Variants in AFG2A observed in about 807,000 individuals in gnomAD.
The protein encoded by AFG2A is AAA ATPase AFG2A.
chr4:123,247,657 A>C, the AFG2A span, among the ~76,000 whole-genome samples: 1 of 152,044 alleles, frequency 6.6e-6, no homozygotes, highest in Non-Finnish European at 1.5e-5. Flanking sequence ...CAAATGCCTG[A>C]GCTCAAGCGA....
the AFG2A span, among the ~76,000 whole-genome samples, chr4:123,080,965 T>G: frequency 6.6e-6 from 1 of 152,140 alleles, no homozygotes; most frequent in South Asian, 2.1e-4. Flanking sequence ...TAGAGTAGTT[T>G]TGGGTTCACA....
chr4:123,043,082 C>T, the AFG2A span, among the ~76,000 whole-genome samples: 1 of 151,888 alleles, frequency 6.6e-6, no homozygotes, highest in Admixed American at 6.6e-5. Context: ...AGTGACATAT[C>T]CTCTCAGCTT....
chr4:122,977,109 AT>A, the AFG2A span, among the ~76,000 whole-genome samples: 2 of 152,096 alleles, frequency 1.3e-5, no homozygotes, highest in Non-Finnish European at 2.9e-5. Flanking sequence ...GGGTTTTTTA[AT>A]ATTTTTATTG....
At chr4:123,010,764 A>G in the AFG2A span, among the ~76,000 whole-genome samples, 1 of 152,130 alleles carries the variant, frequency 6.6e-6, no homozygotes, top group African/African-American at 2.4e-5. Context: ...GACTTGCTTG[A>G]CCTATCTCAT....
At chr4:123,272,245 A>T in the AFG2A span, among the ~76,000 whole-genome samples, 3 of 152,116 alleles carry the variant, frequency 2.0e-5, no homozygotes, top group South Asian at 4.2e-4. Context: ...CTCTTTGTGT[A>T]TGTATGTATG....
the AFG2A span, among the ~76,000 whole-genome samples, chr4:122,937,534 C>T: frequency 2.6e-5 from 4 of 151,984 alleles, no homozygotes; most frequent in South Asian, 2.1e-4. Flanking sequence ...ATTTTTTTCC[C>T]CCAATGATAG....
At chr4:123,015,252 T>C in the AFG2A span, among the ~76,000 whole-genome samples, 9 of 149,102 alleles carry the variant, frequency 6.0e-5, no homozygotes, top group African/African-American at 2.2e-4. Context: ...GGCAGGGTCA[T>C]AGGACAATAG....
chr4:123,255,984 A>G, the AFG2A span: 3 of 1,612,680 alleles, frequency 1.9e-6, no homozygotes, highest in Non-Finnish European at 2.5e-6. Context: ...TTCTGAGCCC[A>G]GTTAATTCAT....
At chr4:123,169,692 G>C in the AFG2A span, among the ~76,000 whole-genome samples, 1 of 152,060 alleles carries the variant, frequency 6.6e-6, no homozygotes, top group Admixed American at 6.6e-5. Context: ...TATTGGTCAG[G>C]CTGGTCTTGA....
At chr4:123,106,964 C>G in the AFG2A span, among the ~76,000 whole-genome samples, 137,954 of 152,008 alleles carry the variant, frequency 0.91, 62,836 homozygotes, top group East Asian at 0.98. Context: ...GGCAGCTCCA[C>G]ACACTGATAA....
chr4:123,207,090 G>T, the AFG2A span, among the ~76,000 whole-genome samples: 1 of 152,042 alleles, frequency 6.6e-6, no homozygotes, highest in Non-Finnish European at 1.5e-5. Flanking sequence ...AGAGGAAAAC[G>T]AATTAATGAG....
chr4:123,073,700 A>G, the AFG2A span, among the ~76,000 whole-genome samples: 163 of 152,318 alleles, frequency 1.1e-3, no homozygotes, highest in African/African-American at 3.8e-3. Flanking sequence ...TTATTTTGAA[A>G]GAAGTTCACG....
the AFG2A span, among the ~76,000 whole-genome samples, chr4:123,016,540 C>T: frequency 5.3e-5 from 8 of 150,940 alleles, no homozygotes; most frequent in South Asian, 6.3e-4. Context: ...TGGGCAGAGA[C>T]GCTCCTCACT....
the AFG2A span, among the ~76,000 whole-genome samples, chr4:123,136,504 TA>T: frequency 7.5e-4 from 109 of 144,452 alleles, no homozygotes; most frequent in Non-Finnish European, 6.4e-4. Context: ...CCGTCTCTAC[TA>T]AAAAAAAAAA....
the AFG2A span, among the ~76,000 whole-genome samples, chr4:123,189,130 A>G: frequency 2.5e-3 from 376 of 152,322 alleles, 3 homozygotes; most frequent in Non-Finnish European, 4.7e-3. Flanking sequence ...TCGCAGGTTC[A>G]TTATAAGTAT....
the AFG2A span, among the ~76,000 whole-genome samples, chr4:123,074,095 AT>A: frequency 3.9e-4 from 40 of 102,048 alleles, 1 homozygote; most frequent in South Asian, 5.4e-3. Flanking sequence ...CTCAGATAGT[AT>A]TTTTTTTTTT....
chr4:123,107,176 C>T, the AFG2A span, among the ~76,000 whole-genome samples: 1 of 152,224 alleles, frequency 6.6e-6, no homozygotes, highest in African/African-American at 2.4e-5. Context: ...TGCAACTCTT[C>T]TCCTTCTCAT....
chr4:122,934,983 T>G, the AFG2A span, among the ~76,000 whole-genome samples: 3 of 152,216 alleles, frequency 2.0e-5, no homozygotes, highest in African/African-American at 7.2e-5. Context: ...TTTCCACAAT[T>G]ACCTGTATTG....
At chr4:123,111,423 A>C in the AFG2A span, among the ~76,000 whole-genome samples, 1 of 152,190 alleles carries the variant, frequency 6.6e-6, no homozygotes, top group Non-Finnish European at 1.5e-5. Flanking sequence ...CAGAGCAATG[A>C]AGATATTGGC....
Sources: gnomAD v4.1 joint callset for allele counts (sites outside exome capture counted in the v4.1 genomes callset) on GRCh38, gnomAD v4.1.1 for gene constraint, MANE v1.5 for transcripts, NCBI Gene and HGNC (gene_info 2026-07-23, HGNC 2026-07-21) for gene names.